The following PCCA variants were observed in gnomAD, a reference collection of about 807,000 sequenced individuals.
The protein encoded by PCCA is propionyl-CoA carboxylase alpha chain, mitochondrial.
Under a neutral mutation model 101.3 loss-of-function variants are expected in PCCA, and 74 were observed. The ratio of observed to expected loss-of-function variants is 0.73; its 90% CI spans 0.61 to 0.89. The LOEUF (loss-of-function observed/expected upper bound fraction) is 0.89. PCCA is among the 40% of genes least tolerant of loss of function. The pLI, the probability that PCCA is intolerant of heterozygous loss-of-function variation, is 0.00. For missense variants in PCCA, 891 were observed against 907.0 expected, an observed-to-expected ratio of 0.98 and a Z score of 0.23; for synonymous variants, 294 against 313.6, an observed-to-expected ratio of 0.94 and a Z score of 0.66.
At chr13:100,193,435 T>G (rs1367437891) in intron 6 of PCCA, among the ~76,000 whole-genome samples, 2 of 152,210 alleles carry the variant, frequency 1.3e-5, no homozygotes, top group East Asian at 1.9e-4. Flanking sequence ...ATTGAAGACT[T>G]TCTAACTTTG....
chr13:100,440,672 TC>T (rs973214193), intron 20 of PCCA, among the ~76,000 whole-genome samples: 1 of 151,896 alleles, frequency 6.6e-6, no homozygotes, highest in Non-Finnish European at 1.5e-5. Context: ...TTAAAAATGT[TC>T]CCCCCACCCC....
At chr13:100,168,672 C>T (rs1374111488) in intron 6 of PCCA, among the ~76,000 whole-genome samples, 1 of 152,228 alleles carries the variant, frequency 6.6e-6, no homozygotes, top group African/African-American at 2.4e-5. Context: ...GTTGATGCTG[C>T]TGTCCACCCT....
At chr13:100,134,865 T>G (rs2050966977) in intron 4 of PCCA, among the ~76,000 whole-genome samples, 1 of 151,830 alleles carries the variant, frequency 6.6e-6, no homozygotes, top group East Asian at 2.0e-4. Flanking sequence ...ATTTCTTTCA[T>G]TAGCATTTCA....
At chr13:100,322,524 T>G (rs1175244089) in intron 16 of PCCA, among the ~76,000 whole-genome samples, 1 of 151,988 alleles carries the variant, frequency 6.6e-6, no homozygotes, top group Non-Finnish European at 1.5e-5. Flanking sequence ...TGCTAATCAT[T>G]AGGTAAACTA....
At chr13:100,348,943 C>CT (rs1465076641) in intron 18 of PCCA, among the ~76,000 whole-genome samples, 1 of 46,352 alleles carries the variant, frequency 2.2e-5, no homozygotes, top group East Asian at 4.4e-4. Flanking sequence ...TCTTTCTTTT[C>CT]TTTCTTTTCT....
intron 21 of PCCA, among the ~76,000 whole-genome samples, chr13:100,511,355 G>T (rs565229506): frequency 6.6e-6 from 1 of 152,192 alleles, no homozygotes; most frequent in African/African-American, 2.4e-5. Flanking sequence ...GCCACGCTGC[G>T]GAAATGAAGA....
At chr13:100,103,081 A>G in intron 2 of PCCA, 121 bp downstream of exon 2, 1 of 702,502 alleles carries the variant, frequency 1.4e-6, no homozygotes, top group Non-Finnish European at 2.6e-6. Flanking sequence ...GTCATTGATC[A>G]CTCTAGCATT....
chr13:100,484,042 A>G (rs1054727575), intron 21 of PCCA, among the ~76,000 whole-genome samples: 1 of 152,250 alleles, frequency 6.6e-6, no homozygotes, highest in Non-Finnish European at 1.5e-5. Flanking sequence ...CACTGTGCAG[A>G]GTAGGATAAC....
At chr13:100,381,727 G>A (rs1483549443) in intron 19 of PCCA, among the ~76,000 whole-genome samples, 1 of 152,356 alleles carries the variant, frequency 6.6e-6, no homozygotes, top group South Asian at 2.1e-4. Context: ...CTCCTTGTGG[G>A]AGGGAGCACA....
chr13:100,518,956 T>G (rs970630546), intron 22 of PCCA, among the ~76,000 whole-genome samples: 1 of 152,222 alleles, frequency 6.6e-6, no homozygotes, highest in African/African-American at 2.4e-5. Flanking sequence ...TTTCCACATG[T>G]CAAATTAGAC....
intron 21 of PCCA, among the ~76,000 whole-genome samples, chr13:100,492,413 C>T (rs1212048785): frequency 6.6e-6 from 1 of 152,078 alleles, no homozygotes; most frequent in Non-Finnish European, 1.5e-5. Flanking sequence ...GGATTACAGG[C>T]GTGAGCCGCC....
chr13:100,136,777 T>C (rs1031598807), intron 4 of PCCA, among the ~76,000 whole-genome samples: 1 of 152,106 alleles, frequency 6.6e-6, no homozygotes, highest in African/African-American at 2.4e-5. Context: ...ATTTTGGATG[T>C]CGTTTTTTTC....
At chr13:100,244,964 TGC>T (rs1249563800) in intron 8 of PCCA, among the ~76,000 whole-genome samples, 3 of 142,314 alleles carry the variant, frequency 2.1e-5, no homozygotes, top group East Asian at 2.3e-4. Flanking sequence ...TGTGTGTGTG[TGC>T]GCAGTAGTAG....
intron 19 of PCCA, among the ~76,000 whole-genome samples, chr13:100,406,634 G>C (rs1170094356): frequency 1.3e-5 from 2 of 152,218 alleles, no homozygotes; most frequent in South Asian, 4.1e-4. Context: ...AACCGGGAAG[G>C]TGGAGGTTGC....
intron 21 of PCCA, chr13:100,477,490 A>G (rs2083503426): frequency 6.6e-6 from 1 of 152,222 alleles, no homozygotes. Flanking sequence ...TTGATATTAT[A>G]CAGCTTTAAG....
At chr13:100,496,648 T>C (rs2085300305) in intron 21 of PCCA, among the ~76,000 whole-genome samples, 1 of 152,198 alleles carries the variant, frequency 6.6e-6, no homozygotes, top group East Asian at 1.9e-4. Flanking sequence ...CTTTCCTTTT[T>C]CCATTTATCT....
intron 18 of PCCA, among the ~76,000 whole-genome samples, chr13:100,347,528 T>C (rs2072462990): frequency 6.6e-6 from 1 of 152,228 alleles, no homozygotes; most frequent in African/African-American, 2.4e-5. Context: ...TTGTGATTTG[T>C]AGTGTTTTAG....
intron 18 of PCCA, among the ~76,000 whole-genome samples, chr13:100,342,873 C>A (rs2071596669): frequency 6.6e-6 from 1 of 151,604 alleles, no homozygotes; most frequent in African/African-American, 2.4e-5. Context: ...AGGAACATAC[C>A]ACCACGCCTG....
rs77587383 is a variant in PCCA at position 100,280,888 on chromosome 13, C to T, written c.1065+7542C>T. On this transcript the variant is annotated intron_variant, in intron 12 of 23. Transcript: ENST00000376285. ...GGCATCTCCATGCTGTAGACACTCCCTCTCCATGAGTCACTTAGAAGCTAC... is the reference window on the plus strand; with the variant it reads ...GGCATCTCCATGCTGTAGACACTCCTTCTCCATGAGTCACTTAGAAGCTAC... 0.011 allele frequency among the ~76,000 whole-genome samples: 1,599 copies of T among 152,202 alleles called. 72 individuals are homozygous for T. In the East Asian group the frequency reaches 0.12, roughly 12 times the overall value.
Sources: gnomAD v4.1 joint callset for allele counts (sites outside exome capture counted in the v4.1 genomes callset) on GRCh38, gnomAD v4.1.1 for gene constraint, MANE v1.5 for transcripts, NCBI Gene and HGNC (gene_info 2026-07-23, HGNC 2026-07-21) for gene names.